HIPK3: variants seen among roughly 807,000 people sequenced by gnomAD.
HIPK3 encodes the protein homeodomain-interacting protein kinase 3.
In HIPK3, 47 loss-of-function variants were observed where a neutral mutation model predicts 124.2. The observed-to-expected ratio is 0.38, with a 90% CI of 0.30 to 0.48. The LOEUF is 0.48. Among genes scored for constraint, HIPK3 ranks in the 20% least tolerant of loss-of-function variants. The probability of loss-of-function intolerance (pLI) is 0.98; values close to 1 mark genes in which losing one functional copy is unlikely to be tolerated. For missense variants in HIPK3, 1,286 were observed against 1,454.3 expected (o/e 0.88, Z 1.88); for synonymous variants, 482 against 515.2 (o/e 0.94, Z 0.87).
chr11:33,297,440 A>C (rs1279814481), intron 2 of HIPK3, among the ~76,000 whole-genome samples: 1 of 152,156 alleles, frequency 6.6e-6, no homozygotes, highest in African/African-American at 2.4e-5. Context: ...TAGTCACAAC[A>C]TTCCCTTAAG....
intron 9 of HIPK3, 70 bp downstream of exon 9, chr11:33,347,484 A>G: frequency 6.3e-7 from 1 of 1,599,530 alleles, no homozygotes; most frequent in Non-Finnish European, 8.5e-7. Flanking sequence ...TGACCTGGAT[A>G]GGGATTTAAT....
At chr11:33,335,166 A>G (rs1375344994) in intron 3 of HIPK3, among the ~76,000 whole-genome samples, 2 of 152,126 alleles carry the variant, frequency 1.3e-5, no homozygotes, top group Non-Finnish European at 2.9e-5. Context: ...ATTCAGTTGG[A>G]GATATAGAGT....
At chr11:33,337,394 C>T (rs1401442656) in intron 4 of HIPK3, among the ~76,000 whole-genome samples, 200 bp downstream of exon 4, 2 of 151,654 alleles carry the variant, frequency 1.3e-5, no homozygotes, top group East Asian at 1.9e-4. Context: ...TTCTCTCTCT[C>T]GCCCAGGCTG....
At chr11:33,275,536 T>C (rs1186107882) in intron 1 of HIPK3, among the ~76,000 whole-genome samples, 1 of 152,176 alleles carries the variant, frequency 6.6e-6, no homozygotes, top group African/African-American at 2.4e-5. Context: ...TTTATAAATA[T>C]GCACTTTAAA....
intron 1 of HIPK3, among the ~76,000 whole-genome samples, chr11:33,281,787 A>T (rs1332780614): frequency 6.6e-6 from 1 of 152,178 alleles, no homozygotes; most frequent in Non-Finnish European, 1.5e-5. Context: ...AGCAAGGCAA[A>T]TAAGTTGTTT....
intron 2 of HIPK3, among the ~76,000 whole-genome samples, chr11:33,293,201 A>C (rs1266392363): frequency 5.3e-5 from 8 of 152,188 alleles, no homozygotes; most frequent in Admixed American, 5.2e-4. Context: ...GTTTTTAAAA[A>C]CAGCTTTATT....
At position 33,340,959 on chromosome 11, in the gene HIPK3, C is replaced by A; in HGVS notation, c.1614-9C>A. Reference sequence around the variant, plus strand: ...TAATACTGTAATACCTTCACTTTTTCTTTTACAGTGTAAAGTCCTGTTTTC... The same window carrying A: ...TAATACTGTAATACCTTCACTTTTTATTTTACAGTGTAAAGTCCTGTTTTC... On this transcript the variant is annotated splice_polypyrimidine_tract_variant and intron_variant, in intron 6 of 16. Transcript: ENST00000303296. The A allele has an allele frequency of 6.6e-7, 1 of 1,519,894 alleles. No homozygotes were observed. Among genetic ancestry groups the A allele is most frequent in the Non-Finnish European group, 9.0e-7 (1 of 1,112,554 alleles). The allele number at this position is 1,519,894 out of a possible 1,614,324, so 94.2% of individuals were successfully genotyped here. A position where few individuals can be genotyped will look rare whatever the true frequency, so the allele number is the denominator to read the frequency against.
At chr11:33,258,693 A>T (rs1414820902) in intron 1 of HIPK3, 1 of 985,286 alleles carries the variant, frequency 1.0e-6, no homozygotes, top group Non-Finnish European at 1.2e-6. Context: ...GTAAAATGGT[A>T]TGTGGCTCTC....
intron 1 of HIPK3, among the ~76,000 whole-genome samples, chr11:33,276,443 A>G (rs1851272724): frequency 6.6e-6 from 1 of 152,206 alleles, no homozygotes; most frequent in South Asian, 2.1e-4. Context: ...AATATGGTAA[A>G]TAATGTTATG....
intron 8 of HIPK3, among the ~76,000 whole-genome samples, chr11:33,344,782 T>C (rs923455377): frequency 6.6e-6 from 1 of 152,222 alleles, no homozygotes; most frequent in South Asian, 2.1e-4. Context: ...GTTGTTTCTC[T>C]TCTTAGTAGA....
rs751426383 is a variant in HIPK3 at position 33,286,463 on chromosome 11, T to C, written c.49T>C (p.Ser17Pro). 1 of 1,611,592 alleles carries C rather than the reference T, an allele frequency of 6.2e-7. No individual in the cohort carries two copies. Among genetic ancestry groups the C allele is most frequent in the East Asian group, 2.2e-5 (1 of 44,770 alleles). Reference sequence around the variant, plus strand: ...CCCACCATATGTTTATCAAACTCAGTCAAGTGCCTTTTGTAGTGTGAAGAA... The same window carrying C: ...CCCACCATATGTTTATCAAACTCAGCCAAGTGCCTTTTGTAGTGTGAAGAA... ...VYPPYVYQTQSSAFCSVKKLK... is the reference protein window; with the variant it reads ...VYPPYVYQTQPSAFCSVKKLK... Residue 17 changes from serine to proline, a missense_variant, in exon 2 of 17, where the codon TCA becomes CCA. Transcript: ENST00000303296.
chr11:33,299,727 G>A (rs1169492525), intron 2 of HIPK3, among the ~76,000 whole-genome samples: 2 of 151,798 alleles, frequency 1.3e-5, no homozygotes, highest in African/African-American at 4.8e-5. Flanking sequence ...CTTTACTATA[G>A]TCTTTGAGAC....
At chr11:33,288,224 G>A (rs1851607784) in intron 2 of HIPK3, among the ~76,000 whole-genome samples, 1 of 152,076 alleles carries the variant, frequency 6.6e-6, no homozygotes, top group African/African-American at 2.4e-5. Flanking sequence ...AGGCTGAGGC[G>A]GGTGGATGAC....
chr11:33,311,532 CGCAGAAAAACTGA>C (rs1193611353), intron 2 of HIPK3, among the ~76,000 whole-genome samples: 1 of 151,928 alleles, frequency 6.6e-6, no homozygotes, highest in Non-Finnish European at 1.5e-5. Context: ...GTTTTAGGTT[CGCAGAAAAACTGA>C]GCAGAAAGTA....
intron 13 of HIPK3, 83 bp from the exon 14 acceptor site, chr11:33,349,064 T>C (rs1222398468): frequency 7.7e-7 from 1 of 1,297,428 alleles, no homozygotes; most frequent in African/African-American, 1.5e-5. Flanking sequence ...TTTCATATCC[T>C]TAATTAAAGA....
chr11:33,315,091 G>T (rs539094965), intron 2 of HIPK3, among the ~76,000 whole-genome samples: 1 of 152,316 alleles, frequency 6.6e-6, no homozygotes, highest in South Asian at 2.1e-4. Flanking sequence ...AACATGTAAA[G>T]AACAGATACA....
chr11:33,339,687 A>T (rs1210469696), intron 6 of HIPK3, among the ~76,000 whole-genome samples, 153 bp downstream of exon 6: 1 of 152,222 alleles, frequency 6.6e-6, no homozygotes, highest in Non-Finnish European at 1.5e-5. Flanking sequence ...TACACCAGTA[A>T]GTGTCAGGGA....
intron 2 of HIPK3, among the ~76,000 whole-genome samples, chr11:33,317,109 T>TA (rs1451939130): frequency 6.6e-6 from 1 of 151,846 alleles, no homozygotes; most frequent in Admixed American, 6.6e-5. Flanking sequence ...TAGCTGGAAT[T>TA]ACAGGTGTGC....
chr11:33,355,160 A>G lies in HIPK3; in HGVS notation c.*1592A>G, dbSNP rs1004645373. 7 of 152,060 alleles carry G rather than the reference A, an allele frequency of 4.6e-5. No homozygotes were observed. The highest frequency in any genetic ancestry group is 2.6e-4 in the Admixed American group (4 of 15,254). The allele number at this position is 152,060 out of a possible 1,614,324, so 9.4% of individuals were successfully genotyped here. A position where few individuals can be genotyped will look rare whatever the true frequency, so the allele number is the denominator to read the frequency against. On this transcript the variant is annotated 3_prime_UTR_variant, in exon 17 of 17. Coordinates refer to ENST00000303296, the MANE Select transcript of HIPK3 (RefSeq NM_005734.5). ...TTAACTAGTTGTTATTTAGCCTTCTAATTTCTGTATAAGTCTAATTACATG... is the reference window on the plus strand; with the variant it reads ...TTAACTAGTTGTTATTTAGCCTTCTGATTTCTGTATAAGTCTAATTACATG...
Sources: gnomAD v4.1 joint callset for allele counts (sites outside exome capture counted in the v4.1 genomes callset) on GRCh38, gnomAD v4.1.1 for gene constraint, MANE v1.5 for transcripts, NCBI Gene and HGNC (gene_info 2026-07-23, HGNC 2026-07-21) for gene names.